The following SOX5 variants were observed in gnomAD, a reference collection of about 807,000 sequenced individuals.
The protein encoded by SOX5 is SRY-box transcription factor 5, also known as transcription factor SOX-5.
SOX5 carries 9 observed loss-of-function variants against 92.0 expected under a neutral mutation model. The observed-to-expected ratio is 0.10, with a 90% CI of 0.06 to 0.17. SOX5 has a LOEUF of 0.17. Ranked by LOEUF, SOX5 falls within the 10% of genes least tolerant of loss-of-function variation. The pLI is 1.00. For synonymous variants in SOX5, 344 were observed against 336.3 expected (o/e 1.02, Z -0.25); for missense variants, 642 against 944.5 (o/e 0.68, Z 4.20).
chr12:24,116,579 C>T (rs1244531651), intron 4 of SOX5, among the ~76,000 whole-genome samples: 2 of 152,092 alleles, frequency 1.3e-5, no homozygotes, highest in African/African-American at 4.8e-5. Flanking sequence ...ATTGCCTATG[C>T]TAGCTTTCAA....
At chr12:24,102,104 G>A (rs1407772418) in intron 4 of SOX5, among the ~76,000 whole-genome samples, 1 of 152,076 alleles carries the variant, frequency 6.6e-6, no homozygotes, top group Non-Finnish European at 1.5e-5. Context: ...ATACAGAATT[G>A]TTGTTTTGGC....
At chr12:24,359,324 G>A (rs1422417210) in intron 2 of SOX5, among the ~76,000 whole-genome samples, 1 of 152,156 alleles carries the variant, frequency 6.6e-6, no homozygotes, top group African/African-American at 2.4e-5. Context: ...ATGAAGTTAA[G>A]GCTGGGTGAG....
chr12:24,332,096 T>C (rs75695940), intron 2 of SOX5, among the ~76,000 whole-genome samples: 19,177 of 151,898 alleles, frequency 0.13, 1,621 homozygotes, highest in East Asian at 0.49. Flanking sequence ...AGAAATACCA[T>C]AGTACTTCTT....
chr12:23,562,028 TG>T (rs2136329868), intron 11 of SOX5, among the ~76,000 whole-genome samples: 1 of 152,290 alleles, frequency 6.6e-6, no homozygotes, highest in East Asian at 1.9e-4. Context: ...CTTTCAAGAA[TG>T]TTTAAATATT....
At chr12:23,681,455 C>G (rs1479439439) in intron 6 of SOX5, among the ~76,000 whole-genome samples, 1 of 151,404 alleles carries the variant, frequency 6.6e-6, no homozygotes, top group Non-Finnish European at 1.5e-5. Flanking sequence ...AAAACAGAGA[C>G]CAAGAGATTG....
chr12:24,179,014 A>G (rs949521569), intron 4 of SOX5, among the ~76,000 whole-genome samples: 9 of 152,230 alleles, frequency 5.9e-5, no homozygotes, highest in Non-Finnish European at 1.2e-4. Flanking sequence ...GGGATTTACC[A>G]TCTGCAGAAA....
intron 3 of SOX5, among the ~76,000 whole-genome samples, chr12:24,218,750 AACAATGTT>A (rs1432553495): frequency 1.3e-5 from 2 of 152,118 alleles, no homozygotes; most frequent in Non-Finnish European, 2.9e-5. Context: ...TGAAAAATCT[AACAATGTT>A]AAGATAATAC....
intron 1 of SOX5, among the ~76,000 whole-genome samples, chr12:24,455,395 GT>G (rs1280876033): frequency 6.6e-6 from 1 of 152,058 alleles, no homozygotes; most frequent in Non-Finnish European, 1.5e-5. Context: ...AGCACTTTTT[GT>G]TCTGGATATA....
intron 3 of SOX5, among the ~76,000 whole-genome samples, chr12:24,228,202 A>G (rs1213854377): frequency 1.3e-5 from 2 of 152,232 alleles, no homozygotes; most frequent in African/African-American, 4.8e-5. Context: ...AGATGTTTGC[A>G]TTCCCACCAA....
intron 1 of SOX5, among the ~76,000 whole-genome samples, chr12:23,912,845 G>A (rs906581895): frequency 1.3e-5 from 2 of 152,038 alleles, no homozygotes; most frequent in African/African-American, 2.4e-5. Flanking sequence ...GGGTGGGGAG[G>A]GGAAATGGGG....
chr12:24,420,710 T>C (rs983433617), intron 1 of SOX5, among the ~76,000 whole-genome samples: 1 of 152,192 alleles, frequency 6.6e-6, no homozygotes, highest in Non-Finnish European at 1.5e-5. Context: ...AACAAGATGA[T>C]ATAATTAGGT....
At chr12:24,339,530 TATTCTC>T (rs1952335270) in intron 2 of SOX5, among the ~76,000 whole-genome samples, 1 of 152,308 alleles carries the variant, frequency 6.6e-6, no homozygotes, top group South Asian at 2.1e-4. Flanking sequence ...TTGGGGGACT[TATTCTC>T]AGTGCACTGG....
At chr12:24,117,354 G>C (rs1260280557) in intron 4 of SOX5, among the ~76,000 whole-genome samples, 2 of 152,178 alleles carry the variant, frequency 1.3e-5, no homozygotes, top group African/African-American at 4.8e-5. Flanking sequence ...CTTGTACACT[G>C]TTGGTGGGAA....
At chr12:24,103,738 C>A (rs1220622439) in intron 4 of SOX5, among the ~76,000 whole-genome samples, 1 of 152,058 alleles carries the variant, frequency 6.6e-6, no homozygotes, top group Non-Finnish European at 1.5e-5. Flanking sequence ...ATGAACAAAC[C>A]AATCTTTTGT....
chr12:24,481,240 G>A (rs1015810943), intron 1 of SOX5, among the ~76,000 whole-genome samples: 1 of 152,098 alleles, frequency 6.6e-6, no homozygotes, highest in Non-Finnish European at 1.5e-5. Flanking sequence ...AGAGTAGAAG[G>A]ATGGTTACCA....
chr12:23,576,803 T>C (rs1361518885), intron 9 of SOX5, among the ~76,000 whole-genome samples: 1 of 152,152 alleles, frequency 6.6e-6, no homozygotes, highest in African/African-American at 2.4e-5. Flanking sequence ...GAAAAAGTTA[T>C]TTTGTTCCTT....
chr12:23,804,517 G>A (rs940364592), intron 3 of SOX5, among the ~76,000 whole-genome samples: 2 of 152,076 alleles, frequency 1.3e-5, no homozygotes, highest in South Asian at 2.1e-4. Flanking sequence ...AACCCATAAA[G>A]TTTCAACTCT....
chr12:24,278,515 C>T (rs1353668830), intron 2 of SOX5, among the ~76,000 whole-genome samples: 1 of 152,090 alleles, frequency 6.6e-6, no homozygotes, highest in Non-Finnish European at 1.5e-5. Context: ...GAGTTCAAGA[C>T]TAGCATGGGC....
intron 1 of SOX5, among the ~76,000 whole-genome samples, chr12:23,928,312 T>G (rs909045993): frequency 1.3e-5 from 2 of 151,992 alleles, no homozygotes; most frequent in African/African-American, 4.8e-5. Context: ...ATGCAGATTT[T>G]CCTCTCTATC....
Sources: gnomAD v4.1 joint callset for allele counts (sites outside exome capture counted in the v4.1 genomes callset) on GRCh38, gnomAD v4.1.1 for gene constraint, MANE v1.5 for transcripts, NCBI Gene and HGNC (gene_info 2026-07-23, HGNC 2026-07-21) for gene names.